Variants in PCNX4 observed in about 807,000 individuals in gnomAD.
PCNX4 encodes pecanex 4.
PCNX4 carries 103 observed loss-of-function variants against 107.2 expected under a neutral mutation model. The ratio of observed to expected loss-of-function variants is 0.96; its 90% confidence interval spans 0.82 to 1.13. PCNX4 has a LOEUF of 1.13. Ranked by LOEUF, PCNX4 falls within the 50% of genes most tolerant of loss-of-function variation. The pLI, the probability that PCNX4 is intolerant of heterozygous loss-of-function variation, is 0.00. For missense variants in PCNX4, 1,528 were observed against 1,379.4 expected (o/e 1.11, Z -1.71); for synonymous variants, 541 against 481.7 (o/e 1.12, Z -1.61).
At chr14:60,104,189 C>T (rs1346642046) in intron 1 of PCNX4, among the ~76,000 whole-genome samples, 3 of 151,786 alleles carry the variant, frequency 2.0e-5, no homozygotes, top group African/African-American at 7.3e-5. Flanking sequence ...TGTGGTGGCA[C>T]ACACCTGTAA....
At chr14:60,105,930 C>G (rs541474101) in intron 1 of PCNX4, among the ~76,000 whole-genome samples, 1 of 152,348 alleles carries the variant, frequency 6.6e-6, no homozygotes, top group South Asian at 2.1e-4. Flanking sequence ...ATTTTCCTGT[C>G]TGATGGCATC....
rs1309392741 is a variant in PCNX4, at chr14:60,115,536, C to T, written c.1357+75C>T. On this transcript the variant is annotated intron_variant, in intron 4 of 10. Transcript: ENST00000406854. ...GTATTCAAAAATATTACTCAATTCC[C>T]ATATTTGTGTGGTATTATACCATAT... 3 of 1,456,668 alleles carry T rather than the reference C, an allele frequency of 2.1e-6. No individual in the cohort carries two copies. The Admixed American group carries it at 7.0e-5, about 34-fold the overall frequency. The allele number at this position is 1,456,668 out of a possible 1,614,324, so 90.2% of individuals were successfully genotyped here.
chr14:60,119,623 T>C lies in PCNX4; in HGVS notation c.1942+931T>C, dbSNP rs573789421. 2.0e-5 allele frequency among the ~76,000 whole-genome samples: 3 copies of C among 152,326 alleles called. No individual in the cohort carries two copies. In the East Asian group the frequency reaches 5.8e-4, roughly 29 times the overall value. On this transcript the variant is annotated intron_variant, in intron 7 of 10. Transcript: ENST00000406854. ...AGAAAATAGTCTATACTTACAATAC[T>C]TTTATCCAGTGTTAATTAATTTTCA...
At position 60,145,979 on chromosome 14, in the gene PCNX4, C is replaced by T. The variant is rs1896396219; in HGVS notation, c.*11758C>T. On this transcript the variant is annotated 3_prime_UTR_variant, in exon 11 of 11. Transcript: ENST00000406854. The surrounding 1 kb of genome is among the most constrained non-coding windows in gnomAD (Gnocchi z 4.0). ...ATTAGCTTGAAATAAGCTATGCTAGCATTTTCTTAACTTAGACGCTTATCA... is the reference window on the plus strand; with the variant it reads ...ATTAGCTTGAAATAAGCTATGCTAGTATTTTCTTAACTTAGACGCTTATCA... 1 of 150,478 alleles carries T rather than the reference C, an allele frequency of 6.6e-6. No homozygotes were observed. The highest frequency in any genetic ancestry group is 2.4e-5 in the African/African-American group (1 of 41,122). The allele number at this position is 150,478 out of a possible 1,614,324, so 9.3% of individuals were successfully genotyped here.
intron 1 of PCNX4, among the ~76,000 whole-genome samples, chr14:60,101,323 G>A (rs1417146675): frequency 6.6e-6 from 1 of 152,126 alleles, no homozygotes; most frequent in African/African-American, 2.4e-5. Context: ...ATGGGCTGTG[G>A]TCACTCATAT....
chr14:60,099,884 T>C (rs1265985861), intron 1 of PCNX4, among the ~76,000 whole-genome samples: 1 of 151,752 alleles, frequency 6.6e-6, no homozygotes, highest in Non-Finnish European at 1.5e-5. Context: ...GCCAACGTAG[T>C]GAAACACTAT....
chr14:60,144,946 G>C lies in PCNX4; in HGVS notation c.*10725G>C. 6.3e-7 allele frequency: 1 copy of C among 1,592,282 alleles called. No individual in the cohort carries two copies. The highest frequency in any genetic ancestry group is 8.6e-7 in the Non-Finnish European group (1 of 1,165,240). On this transcript the variant is annotated 3_prime_UTR_variant, in exon 11 of 11. Coordinates refer to ENST00000406854, the MANE Select transcript of PCNX4 (RefSeq NM_001330177.2). ...TTTCCATTTCTCCCTCCAGTGGCTTGAAAAGTACAGGTGCTCTTTTCAGTC... is the reference window on the plus strand; with the variant it reads ...TTTCCATTTCTCCCTCCAGTGGCTTCAAAAGTACAGGTGCTCTTTTCAGTC...
In PCNX4 at chr14:60,092,392, C is replaced by T. The variant is rs941279015; in HGVS notation, c.-81C>T. 3 of 152,440 alleles carry T rather than the reference C, an allele frequency of 2.0e-5. No individual in the cohort carries two copies. Among genetic ancestry groups the T allele is most frequent in the Admixed American group, 6.5e-5 (1 of 15,312 alleles). 9.4% of individuals were successfully genotyped at this position (152,440 alleles called of 1,614,324 possible). A position where few individuals can be genotyped will look rare whatever the true frequency, so the allele number is the denominator to read the frequency against. ...AAATGCGGTCCCTGGGATGCCTTCG[C>T]GTCTTCTCTTCCCTCGGGTGACTTG... On this transcript the variant is annotated 5_prime_UTR_variant, in exon 1 of 11. Transcript: ENST00000406854.
intron 2 of PCNX4, among the ~76,000 whole-genome samples, chr14:60,112,980 G>A (rs1481256983): frequency 5.3e-5 from 8 of 152,168 alleles, no homozygotes; most frequent in Non-Finnish European, 1.2e-4. Flanking sequence ...TCAAGACATC[G>A]AGACCATCCT....
Position 60,115,045 on chromosome 14 carries a change from TG to T in PCNX4, c.943del (p.Val315PhefsTer4), listed in dbSNP as rs2140548621. On this transcript the variant is annotated frameshift_variant, in exon 4 of 11. Transcript: ENST00000406854. LOFTEE classifies it high-confidence loss of function. Reference protein sequence around the residue: ...ASYFIPSTVGVVLFMTGFGFL... With the variant: ...ASYFIPSTVGXVLFMTGFGFL... ...TATTTCATTCCAAGCACTGTTGGTG[TG>T]GTTCTTTTCATGACTGGATTTGGTT... 6.2e-7 allele frequency: 1 copy of T among 1,613,848 alleles called. No homozygotes were observed. The highest frequency in any genetic ancestry group is 8.5e-7 in the Non-Finnish European group (1 of 1,179,780).
Position 60,144,647 on chromosome 14 carries a change from A to G in PCNX4, c.*10426A>G. 1 of 231,206 alleles carries G rather than the reference A, an allele frequency of 4.3e-6. No individual in the cohort carries two copies. The highest frequency in any genetic ancestry group is 8.3e-6 in the Non-Finnish European group (1 of 120,372). 14.3% of individuals were successfully genotyped at this position (231,206 alleles called of 1,614,324 possible). On this transcript the variant is annotated 3_prime_UTR_variant, in exon 11 of 11. Transcript: ENST00000406854. ...AACAGATTTCTGTTGTTTATAAATT[A>G]CCAAATCTGTGGTATTTTGTTATAG...
chr14:60,115,697 C>G, intron 4 of PCNX4, 22 bp from the exon 5 acceptor site: 1 of 1,588,320 alleles, frequency 6.3e-7, no homozygotes. Context: ...AATTAAATTT[C>G]TCTCTTTTTG....
chr14:60,092,328 A>G lies in PCNX4; in HGVS notation c.-145A>G, dbSNP rs1595154628. 2 of 152,182 alleles carry G rather than the reference A, an allele frequency of 1.3e-5. No individual in the cohort carries two copies. The highest frequency in any genetic ancestry group is 4.8e-5 in the African/African-American group (2 of 41,510). The allele number at this position is 152,182 out of a possible 1,614,324, so 9.4% of individuals were successfully genotyped here. ...TGCCTCCGCATTCGGGCACTAACCA[A>G]CCTCCCGGCGGGAGCGCCCAGCCCG... On this transcript the variant is annotated 5_prime_UTR_variant, in exon 1 of 11. Transcript: ENST00000406854.
Position 60,115,410 on chromosome 14 carries a change from C to G in PCNX4, c.1306C>G (p.Gln436Glu). 2 of 1,561,078 alleles carry G rather than the reference C, an allele frequency of 1.3e-6. No homozygotes were observed. Among genetic ancestry groups the G allele is most frequent in the Non-Finnish European group, 1.7e-6 (2 of 1,155,992 alleles). ...AACTGTGACTGTATTCTTTGAGAAGCAAACTAGGCTCATGAAGATTGGTAT... is the reference window on the plus strand; with the variant it reads ...AACTGTGACTGTATTCTTTGAGAAGGAAACTAGGCTCATGAAGATTGGTAT... ...VQTVTVFFEKQTRLMKIGIVR... is the reference protein window; with the variant it reads ...VQTVTVFFEKETRLMKIGIVR... Residue 436 changes from glutamine (Q) to glutamate (E), a missense_variant, in exon 4 of 11, where the codon CAA (glutamine) becomes GAA (glutamate). Gln to Glu is a conservative substitution (Grantham distance 29). Coordinates refer to ENST00000406854, the MANE Select transcript of PCNX4 (RefSeq NM_001330177.2).
At chr14:60,113,775 G>A (rs1226415333) in intron 2 of PCNX4, among the ~76,000 whole-genome samples, 1 of 152,076 alleles carries the variant, frequency 6.6e-6, no homozygotes, top group Admixed American at 6.5e-5. Flanking sequence ...TGTTATCTTT[G>A]GTACCCCAGA....
chr14:60,097,543 G>C (rs1435912490), intron 1 of PCNX4, among the ~76,000 whole-genome samples: 1 of 152,224 alleles, frequency 6.6e-6, no homozygotes, highest in Non-Finnish European at 1.5e-5. Flanking sequence ...ACTAACAAAA[G>C]ATAATATGTG....
chr14:60,124,987 A>T lies in PCNX4; in HGVS notation c.2816A>T (p.Gln939Leu). Reference sequence around the variant, plus strand: ...TCGTTATTTCCAGAAGACTGGTACCAATTTGTTCTAAGGCAGTTGGAATGT... The same window carrying T: ...TCGTTATTTCCAGAAGACTGGTACCTATTTGTTCTAAGGCAGTTGGAATGT... ...MSSLFPEDWY[Q>L]FVLRQLECYH... Residue 939 changes from glutamine (Q) to leucine (L), a missense_variant, in exon 9 of 11, where the codon CAA becomes CTA. Coordinates refer to ENST00000406854, the MANE Select transcript of PCNX4 (RefSeq NM_001330177.2). The T allele has an allele frequency of 6.2e-7, 1 of 1,613,872 alleles. No homozygotes were observed. The highest frequency in any genetic ancestry group is 8.5e-7 in the Non-Finnish European group (1 of 1,179,772).
chr14:60,125,816 C>T lies in PCNX4; in HGVS notation c.3260C>T (p.Ser1087Phe). Reference sequence around the variant, plus strand: ...TACTTGTTTTCTCTGGGGTATGATTCTAATATGGTAAGGTTAAAAAATTTT... The same window carrying T: ...TACTTGTTTTCTCTGGGGTATGATTTTAATATGGTAAGGTTAAAAAATTTT... Reference protein sequence around the residue: ...KPYLFSLGYDSNMGIYTGRVL... With the variant: ...KPYLFSLGYDFNMGIYTGRVL... The change falls in exon 10 of 11, where the codon TCT (serine) becomes TTT (phenylalanine). Residue 1087 changes from serine to phenylalanine, a missense_variant. Transcript: ENST00000406854. 6.2e-7 allele frequency: 1 copy of T among 1,600,686 alleles called. No homozygotes were observed. The highest frequency in any genetic ancestry group is 1.1e-5 in the South Asian group (1 of 88,350).
At chr14:60,097,417 T>G (rs1304210642) in intron 1 of PCNX4, among the ~76,000 whole-genome samples, 5 of 152,230 alleles carry the variant, frequency 3.3e-5, no homozygotes, top group African/African-American at 1.2e-4. Flanking sequence ...TGCTTTACTC[T>G]ACTATTTGCA....
Sources: allele counts gnomAD v4.1 joint callset (sites outside exome capture counted in the v4.1 genomes callset), GRCh38; gene constraint gnomAD v4.1.1; non-coding constraint Gnocchi (gnomAD v3.1); transcripts MANE v1.5; gene names NCBI Gene and HGNC (gene_info 2026-07-23, HGNC 2026-07-21).